SPECC1L: variants seen among roughly 807,000 people sequenced by gnomAD.
SPECC1L encodes sperm antigen with calponin homology and coiled-coil domains 1 like.
Under a neutral mutation model 116.8 loss-of-function variants are expected in SPECC1L, and 40 were observed. The ratio of observed to expected loss-of-function variants is 0.34; its 90% confidence interval spans 0.27 to 0.45. The LOEUF (loss-of-function observed/expected upper bound fraction) is 0.45. SPECC1L is among the 20% of genes least tolerant of loss of function. SPECC1L has a pLI of 1.00. For synonymous variants in SPECC1L, 504 were observed against 500.6 expected (o/e 1.01, Z -0.09); for missense variants, 1,110 against 1,373.6 (o/e 0.81, Z 3.03).
intron 14 of SPECC1L, among the ~76,000 whole-genome samples, chr22:24,391,151 G>A (rs529811994): frequency 1.4e-4 from 22 of 151,738 alleles, no homozygotes; most frequent in Non-Finnish European, 2.9e-4. Flanking sequence ...CTGGGATTAC[G>A]GGTGTGAGCC....
At chr22:24,316,097 A>T (rs2040557694) in intron 4 of SPECC1L, among the ~76,000 whole-genome samples, 1 of 152,208 alleles carries the variant, frequency 6.6e-6, no homozygotes, top group Non-Finnish European at 1.5e-5. Context: ...CTATAACAAC[A>T]TCCTTATTCT....
chr22:24,343,360 T>G (rs2041219204), intron 10 of SPECC1L: 2 of 366,344 alleles, frequency 5.5e-6, no homozygotes, highest in South Asian at 4.0e-5. Flanking sequence ...TGAAAAACAG[T>G]GATAAGAAAC....
At chr22:24,387,906 A>C (rs1455162676) in intron 14 of SPECC1L, among the ~76,000 whole-genome samples, 2 of 152,160 alleles carry the variant, frequency 1.3e-5, no homozygotes, top group Admixed American at 6.5e-5. Flanking sequence ...TTATAGAGAC[A>C]GCCATGTTTC....
chr22:24,395,608 T>TAA (rs2042352301), intron 14 of SPECC1L, among the ~76,000 whole-genome samples: 1 of 152,226 alleles, frequency 6.6e-6, no homozygotes, highest in Non-Finnish European at 1.5e-5. Flanking sequence ...GGATCCACAC[T>TAA]TTTTATCTCA....
At position 24,407,280 on chromosome 22, in the gene SPECC1L, C is replaced by T. The variant is rs1474111336; in HGVS notation, c.3088-4308C>T. On this transcript the variant is annotated intron_variant, in intron 14 of 16. Coordinates refer to ENST00000314328, the MANE Select transcript of SPECC1L (RefSeq NM_015330.6). ...ACTGAAGAAGCCATTGTTTTCTTCC[C>T]GGTTCAGGTCACTGTGGCATGCTTT... Among the ~76,000 whole-genome samples the T allele has an allele frequency of 5.3e-5, 8 of 152,214 alleles. No individual in the cohort carries two copies. In the East Asian group the frequency reaches 9.6e-4, roughly 18 times the overall value.
At chr22:24,388,483 C>T (rs2042204656) in intron 14 of SPECC1L, among the ~76,000 whole-genome samples, 1 of 151,868 alleles carries the variant, frequency 6.6e-6, no homozygotes, top group South Asian at 2.1e-4. Context: ...TCCAGTCTAT[C>T]ATTGTTGGAC....
intron 13 of SPECC1L, among the ~76,000 whole-genome samples, chr22:24,367,765 A>G (rs957313354): frequency 2.0e-5 from 3 of 152,222 alleles, no homozygotes; most frequent in African/African-American, 7.2e-5. Flanking sequence ...TGGAGGGTCA[A>G]TACTAACAGA....
intron 3 of SPECC1L, among the ~76,000 whole-genome samples, chr22:24,303,844 G>GGTGT (rs3031935): frequency 0.03 from 4,309 of 144,006 alleles, 76 homozygotes; most frequent in East Asian, 0.073. Flanking sequence ...GTTTAAATAG[G>GGTGT]GTGTGTGTGT....
intron 11 of SPECC1L, among the ~76,000 whole-genome samples, chr22:24,360,538 G>C (rs998124630): frequency 1.3e-5 from 2 of 152,056 alleles, no homozygotes; most frequent in Non-Finnish European, 2.9e-5. Context: ...ACATGTATCA[G>C]CAATACATTT....
intron 2 of SPECC1L, among the ~76,000 whole-genome samples, chr22:24,280,591 T>TG (rs1400422386): frequency 6.6e-6 from 1 of 150,914 alleles, no homozygotes. Flanking sequence ...TTTTTTTTTT[T>TG]TTTTTTGAGA....
At chr22:24,351,938 G>A (rs1004954364) in intron 11 of SPECC1L, among the ~76,000 whole-genome samples, 8 of 151,580 alleles carry the variant, frequency 5.3e-5, no homozygotes, top group East Asian at 3.9e-4. Context: ...TCAGTGAGCC[G>A]AGATTGCGCC....
At chr22:24,375,024 A>G (rs1327695282) in intron 14 of SPECC1L, among the ~76,000 whole-genome samples, 1 of 152,168 alleles carries the variant, frequency 6.6e-6, no homozygotes, top group Non-Finnish European at 1.5e-5. Context: ...CTTAAGAAAT[A>G]AAAAGGATTA....
chr22:24,279,473 C>T (rs545382627), intron 2 of SPECC1L, among the ~76,000 whole-genome samples: 1 of 152,336 alleles, frequency 6.6e-6, no homozygotes, highest in South Asian at 2.1e-4. Context: ...AAGTGATCCC[C>T]TTGCCTCGGC....
intron 3 of SPECC1L, among the ~76,000 whole-genome samples, chr22:24,312,595 G>A (rs5760332): frequency 0.025 from 3,785 of 152,178 alleles, 151 homozygotes; most frequent in South Asian, 0.12. Flanking sequence ...TCTAGGAGAA[G>A]TAAAAACGTT....
In SPECC1L at chr22:24,322,541, A is replaced by C. The variant is rs752582310; in HGVS notation, c.1561A>C (p.Lys521Gln). 6.2e-7 allele frequency: 1 copy of C among 1,614,118 alleles called. No homozygotes were observed. The change falls in exon 5 of 17, where the codon AAA (lysine) becomes CAA (glutamine). Residue 521 changes from lysine to glutamine, a missense_variant. Lys to Gln is a moderately conservative substitution (Grantham distance 53). Around this residue, in one of 4 missense-constraint regions of SPECC1L, gnomAD observed 575 missense variants for 682.4 expected, o/e 0.84. Transcript: ENST00000314328. ...CCAGCAGCATTTAAGCAATACTTTG[A>C]AAATGGCAGAACAAGACAATAAGGA... ...GVQQHLSNTL[K>Q]MAEQDNKEAQ...
At chr22:24,348,001 G>C (rs939248579) in intron 11 of SPECC1L, among the ~76,000 whole-genome samples, 11 of 152,090 alleles carry the variant, frequency 7.2e-5, no homozygotes, top group African/African-American at 2.7e-4. Flanking sequence ...TTATGGTAGG[G>C]CTGGCACCAG....
At chr22:24,309,285 A>G (rs919712405) in intron 3 of SPECC1L, among the ~76,000 whole-genome samples, 6 of 152,218 alleles carry the variant, frequency 3.9e-5, no homozygotes, top group Non-Finnish European at 8.8e-5. Context: ...CATTTATCCA[A>G]CACTGAAATA....
intron 14 of SPECC1L, among the ~76,000 whole-genome samples, chr22:24,371,103 G>A (rs761892513): frequency 6.6e-6 from 1 of 151,680 alleles, no homozygotes; most frequent in Non-Finnish European, 1.5e-5. Context: ...AAACTCCACT[G>A]CAAAAAGAAA....
At chr22:24,309,782 C>G (rs908109208) in intron 3 of SPECC1L, among the ~76,000 whole-genome samples, 2 of 152,160 alleles carry the variant, frequency 1.3e-5, no homozygotes, top group African/African-American at 4.8e-5. Flanking sequence ...TGAAAAAATA[C>G]TTGGGTTGTG....
Sources: gnomAD v4.1 joint callset for allele counts (sites outside exome capture counted in the v4.1 genomes callset) on GRCh38, gnomAD v4.1.1 for gene constraint, gnomAD v4.1.1 regional missense constraint, MANE v1.5 for transcripts, NCBI Gene and HGNC (gene_info 2026-07-23, HGNC 2026-07-21) for gene names.